CLEC12A: variants seen among roughly 807,000 people sequenced by gnomAD.
The protein encoded by CLEC12A is C-type lectin domain family 12 member A.
CLEC12A carries 22 observed loss-of-function variants against 26.5 expected under a neutral mutation model. That is an observed-to-expected ratio of 0.83 (90% CI 0.59 to 1.19). The LOEUF is 1.19. Among genes scored for constraint, CLEC12A ranks in the 50% most tolerant of loss-of-function variants. The probability of loss-of-function intolerance (pLI) is 0.00; values close to 1 mark genes in which losing one functional copy is unlikely to be tolerated. For synonymous variants in CLEC12A, 119 were observed against 101.9 expected (o/e 1.17, Z -1.01); for missense variants, 353 against 315.6 (o/e 1.12, Z -0.90).
intron 1 of CLEC12A, among the ~76,000 whole-genome samples, chr12:9,961,204 C>T (rs1460870657): frequency 6.6e-6 from 1 of 152,162 alleles, no homozygotes; most frequent in Non-Finnish European, 1.5e-5. Flanking sequence ...ATGAAGCCTC[C>T]AGACAGCAGA....
At position 9,972,670 on chromosome 12, in the gene CLEC12A, C is replaced by T. The variant is rs181544678; in HGVS notation, c.91+983C>T. 2.1e-3 allele frequency among the ~76,000 whole-genome samples: 314 copies of T among 152,254 alleles called. 1 individual carries two copies. Among genetic ancestry groups the T allele is most frequent in the Non-Finnish European group, 3.9e-3 (263 of 67,994 alleles). ...CACAGAATATAACATCTTTAATATTCTAGCATTGCTATAAACAGAAATTTC... is the reference window on the plus strand; with the variant it reads ...CACAGAATATAACATCTTTAATATTTTAGCATTGCTATAAACAGAAATTTC... On this transcript the variant is annotated intron_variant, in intron 1 of 5. Coordinates refer to ENST00000304361, the MANE Select transcript of CLEC12A (RefSeq NM_138337.6).
Position 9,985,048 on chromosome 12 carries a change from A to G in CLEC12A, c.*22A>G. On this transcript the variant is annotated 3_prime_UTR_variant, in exon 6 of 6. Coordinates refer to ENST00000304361, the MANE Select transcript of CLEC12A (RefSeq NM_138337.6). ...ATGAGGCATCAATCAAATACATTTA[A>G]GGAGTGTAGGGGGTGGGGGTTCTAG... 1 of 1,469,770 alleles carries G rather than the reference A, an allele frequency of 6.8e-7. No homozygotes were observed. Among genetic ancestry groups the G allele is most frequent in the Non-Finnish European group, 9.0e-7 (1 of 1,112,622 alleles). The allele number at this position is 1,469,770 out of a possible 1,614,324, so 91.0% of individuals were successfully genotyped here.
chr12:9,995,266 A>G, exon 5 of CLEC12A: 2 of 1,587,528 alleles, frequency 1.3e-6, no homozygotes, highest in Non-Finnish European at 1.7e-6. Context: ...ACATAAATAA[A>G]CACAATGGTC....
chr12:10,002,036 C>T, the CLEC12A span, among the ~76,000 whole-genome samples: 1 of 151,946 alleles, frequency 6.6e-6, no homozygotes, highest in African/African-American at 2.4e-5. Flanking sequence ...CCCACCACCA[C>T]GCCTGGCTAA....
At chr12:10,004,014 G>A in the CLEC12A span, among the ~76,000 whole-genome samples, 1 of 152,210 alleles carries the variant, frequency 6.6e-6, no homozygotes, top group Non-Finnish European at 1.5e-5. Flanking sequence ...AAATGGGAGA[G>A]GTCTGGCCCT....
chr12:9,997,152 ATACT>A, downstream of CLEC12A: 1 of 1,613,862 alleles, frequency 6.2e-7, no homozygotes, highest in South Asian at 1.1e-5. Flanking sequence ...TAAAAAAACA[ATACT>A]TACTGAAAGT....
the CLEC12A span, among the ~76,000 whole-genome samples, chr12:10,006,127 G>A: frequency 1.3e-5 from 2 of 152,236 alleles, no homozygotes; most frequent in Admixed American, 1.3e-4. Flanking sequence ...TAATTCATGT[G>A]AGAGCAGCAA....
At chr12:9,995,454 A>T (rs917815283) in exon 5 of CLEC12A, 2 of 513,844 alleles carry the variant, frequency 3.9e-6, no homozygotes, top group Non-Finnish European at 7.2e-6. Flanking sequence ...GTAAAATTGT[A>T]CACAAAATAG....
chr12:9,988,070 G>A (rs997191697), downstream of CLEC12A, among the ~76,000 whole-genome samples: 6 of 152,284 alleles, frequency 3.9e-5, no homozygotes, highest in South Asian at 2.1e-4. Context: ...ATTTTGAAAT[G>A]TGAGGACATG....
downstream of CLEC12A, among the ~76,000 whole-genome samples, chr12:9,989,432 T>C (rs1405350749): frequency 6.6e-6 from 1 of 152,176 alleles, no homozygotes; most frequent in East Asian, 1.9e-4. Flanking sequence ...AAGATAGCCT[T>C]ATTGCTGATA....
downstream of CLEC12A, among the ~76,000 whole-genome samples, chr12:9,989,269 C>T (rs553997028): frequency 5.4e-4 from 82 of 151,582 alleles, no homozygotes; most frequent in Non-Finnish European, 1.0e-3. Context: ...TGTTAAATGA[C>T]GAGTTAATGG....
chr12:9,983,496 T>C (rs1452879872), intron 5 of CLEC12A: 2 of 695,230 alleles, frequency 2.9e-6, no homozygotes, highest in Non-Finnish European at 5.2e-6. Flanking sequence ...CAAATTCCAT[T>C]TGTATTTTTT....
At chr12:9,953,140 T>A (rs1453777299) in intron 1 of CLEC12A, 1 of 76,314 alleles carries the variant, frequency 1.3e-5, no homozygotes, top group African/African-American at 5.6e-5. Flanking sequence ...AGGTGGGGGG[T>A]CAGCCCCCCG....
chr12:9,993,255 A>G, intron 4 of CLEC12A: 2 of 1,612,972 alleles, frequency 1.2e-6, no homozygotes, highest in Non-Finnish European at 8.5e-7. Context: ...AGCACAATTC[A>G]TATTTCCTTT....
intron 1 of CLEC12A, among the ~76,000 whole-genome samples, chr12:9,962,516 G>A (rs1236552670): frequency 1.3e-5 from 2 of 152,066 alleles, no homozygotes; most frequent in African/African-American, 4.8e-5. Flanking sequence ...GGGTGCAGGT[G>A]GGCTGAGTCC....
intron 1 of CLEC12A, among the ~76,000 whole-genome samples, chr12:9,963,549 C>G (rs562754955): frequency 6.6e-6 from 1 of 151,860 alleles, no homozygotes; most frequent in African/African-American, 2.4e-5. Flanking sequence ...GGCAGAAAGT[C>G]TTAAACTGAT....
intron 3 of CLEC12A, among the ~76,000 whole-genome samples, chr12:9,979,946 G>A (rs1166541427): frequency 6.6e-6 from 1 of 152,148 alleles, no homozygotes; most frequent in East Asian, 1.9e-4. Flanking sequence ...TGGGATCGGG[G>A]AGTTGGTCTT....
Position 9,995,636 on chromosome 12 carries a change from G to T in CLEC12A, n.1623G>T, listed in dbSNP as rs1865025713. 35 of 251,754 alleles carry T rather than the reference G, an allele frequency of 1.4e-4. No homozygotes were observed. The South Asian group carries it at 1.5e-3, about 11-fold the overall frequency. The allele number at this position is 251,754 out of a possible 1,614,324, so 15.6% of individuals were successfully genotyped here. The stretch of plus-strand genomic sequence containing the variant: ...GAGCTGTATATTCCTTAGAGTTAAA[G>T]CCCTACCTGCTTTGGTTTTATTGCT... On this transcript the variant is annotated non_coding_transcript_exon_variant, in exon 5 of 5. Transcript: ENST00000449959.
chr12:9,978,592 C>T (rs1354115159), intron 1 of CLEC12A, among the ~76,000 whole-genome samples: 2 of 152,144 alleles, frequency 1.3e-5, no homozygotes, highest in South Asian at 4.1e-4. Context: ...CTATTGGCTT[C>T]TCTGTTAATT....
Sources: gnomAD v4.1 joint callset for allele counts (sites outside exome capture counted in the v4.1 genomes callset) on GRCh38, gnomAD v4.1.1 for gene constraint, MANE v1.5 for transcripts, NCBI Gene and HGNC (gene_info 2026-07-23, HGNC 2026-07-21) for gene names.